EXT2: variants seen among roughly 807,000 people sequenced by gnomAD.
The protein encoded by EXT2 is exostosin glycosyltransferase 2.
EXT2 carries 53 observed loss-of-function variants against 81.6 expected under a neutral mutation model. The ratio of observed to expected loss-of-function variants is 0.65; its 90% CI spans 0.52 to 0.82. EXT2 has a LOEUF of 0.82. EXT2 is among the 40% of genes least tolerant of loss of function. EXT2 has a pLI of 0.00. For synonymous variants in EXT2, 320 were observed against 340.0 expected (o/e 0.94, Z 0.65); for missense variants, 774 against 910.2 (o/e 0.85, Z 1.93).
intron 10 of EXT2, among the ~76,000 whole-genome samples, chr11:44,229,704 A>G (rs149868821): frequency 8.0e-4 from 122 of 152,346 alleles, no homozygotes; most frequent in Non-Finnish European, 1.5e-3. Context: ...ATATCACGTT[A>G]TTATTCATGG....
At chr11:44,137,939 C>T (rs1954592981) in intron 7 of EXT2, among the ~76,000 whole-genome samples, 1 of 152,154 alleles carries the variant, frequency 6.6e-6, no homozygotes, top group African/African-American at 2.4e-5. Flanking sequence ...TTCAGTAATA[C>T]ATAAATTATA....
intron 6 of EXT2, among the ~76,000 whole-genome samples, chr11:44,127,583 C>T (rs897849316): frequency 3.9e-5 from 6 of 152,208 alleles, no homozygotes; most frequent in African/African-American, 1.4e-4. Context: ...AAATTGTCTT[C>T]CACAAAACCA....
chr11:44,131,167 A>T (rs1954487473), intron 7 of EXT2, among the ~76,000 whole-genome samples: 1 of 152,236 alleles, frequency 6.6e-6, no homozygotes, highest in Non-Finnish European at 1.5e-5. Context: ...AGCATCAGTT[A>T]CCACTTCTTC....
chr11:44,224,955 AATC>A (rs1223134333), intron 10 of EXT2, among the ~76,000 whole-genome samples: 1 of 152,198 alleles, frequency 6.6e-6, no homozygotes, highest in African/African-American at 2.4e-5. Context: ...ATTTAAAGAG[AATC>A]ATCATTTGGC....
intron 7 of EXT2, among the ~76,000 whole-genome samples, chr11:44,141,961 A>G (rs538315569): frequency 1.3e-4 from 20 of 152,238 alleles, no homozygotes; most frequent in African/African-American, 3.9e-4. Context: ...CTAGGTTTAC[A>G]ATACAATAAC....
chr11:44,240,246 C>T (rs1054006675), intron 13 of EXT2, among the ~76,000 whole-genome samples: 2 of 152,120 alleles, frequency 1.3e-5, no homozygotes, highest in African/African-American at 4.8e-5. Context: ...GAAATTCTGG[C>T]ATTTAGGAGA....
chr11:44,112,456 C>T (rs1366729063), intron 3 of EXT2, among the ~76,000 whole-genome samples: 2 of 152,182 alleles, frequency 1.3e-5, no homozygotes, highest in Non-Finnish European at 2.9e-5. Flanking sequence ...AATGGGAAAA[C>T]AGAATGTGCT....
chr11:44,212,221 G>A (rs999202716), intron 10 of EXT2, among the ~76,000 whole-genome samples: 2 of 151,908 alleles, frequency 1.3e-5, no homozygotes, highest in South Asian at 2.1e-4. Flanking sequence ...GGAGGCAGAG[G>A]TTGCCGTGAG....
At chr11:44,207,585 A>G (rs1285176367) in intron 10 of EXT2, among the ~76,000 whole-genome samples, 2 of 152,222 alleles carry the variant, frequency 1.3e-5, no homozygotes, top group Non-Finnish European at 2.9e-5. Flanking sequence ...CGTGAGATGC[A>G]TGATGACAAC....
At position 44,105,555 on chromosome 11, in the gene EXT2, G is replaced by C. The variant is rs143065134; in HGVS notation, c.-30-2128G>C. Among the ~76,000 whole-genome samples the C allele has an allele frequency of 6.9e-3, 1,052 of 152,320 alleles. 9 individuals are homozygous for C. Among genetic ancestry groups the C allele is most frequent in the African/African-American group, 0.023 (970 of 41,566 alleles). On this transcript the variant is annotated intron_variant, in intron 1 of 13. Coordinates refer to ENST00000533608, the MANE Select transcript of EXT2 (RefSeq NM_207122.2). ...GATCTGTCTGCCTTGGCCTCCCAAA[G>C]TGCTGGGATTATAGGCATGAGCCAC...
chr11:44,230,335 C>T (rs370637995), intron 10 of EXT2, among the ~76,000 whole-genome samples: 6 of 152,012 alleles, frequency 3.9e-5, no homozygotes, highest in South Asian at 2.1e-4. Flanking sequence ...TGAAGGAGTT[C>T]GGATATTATT....
chr11:44,143,661 G>C (rs778090683), intron 7 of EXT2, among the ~76,000 whole-genome samples: 1 of 152,186 alleles, frequency 6.6e-6, no homozygotes. Context: ...AGAAGATGGG[G>C]CTTTCTACCA....
chr11:44,166,504 T>A (rs905900344), intron 7 of EXT2, among the ~76,000 whole-genome samples: 1 of 152,216 alleles, frequency 6.6e-6, no homozygotes, highest in African/African-American at 2.4e-5. Context: ...ATTTCAGCTT[T>A]TCTTTGAGTA....
intron 7 of EXT2, among the ~76,000 whole-genome samples, chr11:44,147,647 G>A (rs776171448): frequency 2.0e-4 from 31 of 151,784 alleles, no homozygotes; most frequent in Admixed American, 4.6e-4. Flanking sequence ...TGCAAGCTCC[G>A]CCTCCCGGGT....
At chr11:44,216,168 G>A (rs1360621130) in intron 10 of EXT2, among the ~76,000 whole-genome samples, 2 of 152,140 alleles carry the variant, frequency 1.3e-5, no homozygotes, top group Admixed American at 6.5e-5. Flanking sequence ...GAGCCACCGC[G>A]CCCGGCCCCA....
At position 44,197,989 on chromosome 11, in the gene EXT2, G is replaced by A. The variant is rs1374879447; in HGVS notation, c.1466G>A (p.Trp489Ter). Reference protein sequence around the residue: ...VPSLSKLLVVWNNQNKNPPED... With the variant: ...VPSLSKLLVV The stretch of plus-strand genomic sequence containing the variant: ...AGTCTATCCAAACTACTTGTCGTCT[G>A]GAATAATCAGAATAAAAACCCTCCA... The change falls in exon 9 of 14, where the codon TGG (tryptophan) becomes TAG (stop). Residue 489 changes from tryptophan (W) to a stop codon, truncating the protein, a stop_gained. Transcript: ENST00000533608. LOFTEE classifies it high-confidence loss of function. The A allele has an allele frequency of 1.2e-6, 2 of 1,614,044 alleles. No individual in the cohort carries two copies.
chr11:44,215,404 A>C (rs1955705831), intron 10 of EXT2, among the ~76,000 whole-genome samples: 1 of 152,148 alleles, frequency 6.6e-6, no homozygotes, highest in Admixed American at 6.5e-5. Context: ...TCAGATTTTT[A>C]AGTTAATAGT....
intron 7 of EXT2, among the ~76,000 whole-genome samples, chr11:44,162,662 G>A (rs888863306): frequency 6.6e-6 from 1 of 150,388 alleles, no homozygotes; most frequent in South Asian, 2.1e-4. Flanking sequence ...CTTATAAAAT[G>A]AATTCTGCTG....
intron 7 of EXT2, among the ~76,000 whole-genome samples, chr11:44,131,654 A>G (rs1954494466): frequency 6.6e-6 from 1 of 152,212 alleles, no homozygotes; most frequent in Non-Finnish European, 1.5e-5. Context: ...AGAGATCTCT[A>G]GATTTTTTAT....
Sources: allele counts gnomAD v4.1 joint callset (sites outside exome capture counted in the v4.1 genomes callset), GRCh38; gene constraint gnomAD v4.1.1; transcripts MANE v1.5; gene names NCBI Gene and HGNC (gene_info 2026-07-23, HGNC 2026-07-21).